The following L3MBTL4 variants were observed in gnomAD, a reference collection of about 807,000 sequenced individuals.
L3MBTL4 encodes the protein lethal(3)malignant brain tumor-like protein 4.
L3MBTL4 carries 70 observed loss-of-function variants against 84.5 expected under a neutral mutation model. The ratio of observed to expected loss-of-function variants is 0.83; its 90% confidence interval spans 0.68 to 1.01. L3MBTL4 has a LOEUF of 1.01. Among genes scored for constraint, L3MBTL4 ranks in the 50% least tolerant of loss-of-function variants. The pLI, the probability that L3MBTL4 is intolerant of heterozygous loss-of-function variation, is 0.00. For synonymous variants in L3MBTL4, 274 were observed against 259.8 expected (o/e 1.05, Z -0.52); for missense variants, 715 against 754.8 (o/e 0.95, Z 0.62).
Position 6,319,680 on chromosome 18 carries a change from C to A in L3MBTL4, c.-90-7624G>T, listed in dbSNP as rs148451560. Reference sequence around the variant, plus strand: ...AAAAGCACAGAGCAAGATGAATTCACAGCTTGAATTTTACCAGACATTCAA... The same window carrying A: ...AAAAGCACAGAGCAAGATGAATTCAAAGCTTGAATTTTACCAGACATTCAA... On this transcript the variant is annotated intron_variant, in intron 1 of 18. Transcript: ENST00000317931. Among the ~76,000 whole-genome samples, 98 of 152,116 alleles carry A rather than the reference C, an allele frequency of 6.4e-4. 1 individual carries two copies. Among genetic ancestry groups the A allele is most frequent in the Non-Finnish European group, 5.3e-4 (36 of 67,896 alleles).
intron 1 of L3MBTL4, among the ~76,000 whole-genome samples, chr18:6,391,865 A>G (rs907091321): frequency 6.6e-6 from 1 of 152,122 alleles, no homozygotes; most frequent in Non-Finnish European, 1.5e-5. Flanking sequence ...TGACACAACA[A>G]ATGGAAACAC....
intron 14 of L3MBTL4, among the ~76,000 whole-genome samples, chr18:6,096,612 A>ATG (rs1268960808): frequency 3.9e-5 from 6 of 152,180 alleles, no homozygotes; most frequent in East Asian, 1.9e-4. Context: ...GTACGCATGC[A>ATG]TGTGTGTGTG....
At chr18:6,236,361 G>C (rs1473535486) in intron 10 of L3MBTL4, among the ~76,000 whole-genome samples, 1 of 152,188 alleles carries the variant, frequency 6.6e-6, no homozygotes, top group African/African-American at 2.4e-5. Flanking sequence ...TATGACCTTA[G>C]ATTAGGCAAT....
chr18:6,285,090 C>T (rs1203283371), intron 4 of L3MBTL4, among the ~76,000 whole-genome samples: 2 of 152,220 alleles, frequency 1.3e-5, no homozygotes, highest in Non-Finnish European at 1.5e-5. Context: ...CAGCCTGGTG[C>T]GGTATTAACG....
intron 10 of L3MBTL4, among the ~76,000 whole-genome samples, chr18:6,224,462 G>A (rs529045611): frequency 2.0e-5 from 3 of 152,284 alleles, no homozygotes; most frequent in Admixed American, 1.3e-4. Flanking sequence ...CAACACAACG[G>A]GGGAACCATC....
chr18:6,031,215 GT>G, intron 16 of L3MBTL4: 1 of 985,390 alleles, frequency 1.0e-6, no homozygotes, highest in Non-Finnish European at 1.2e-6. Context: ...CATTATTTTA[GT>G]TTCTGTTTCA....
intron 16 of L3MBTL4, among the ~76,000 whole-genome samples, chr18:6,062,705 G>A (rs1255455157): frequency 1.5e-4 from 23 of 151,672 alleles, no homozygotes; most frequent in Admixed American, 1.5e-3. Context: ...TTTTAGATTG[G>A]GAAGTTCTAC....
chr18:5,975,328 T>C (rs1033066901), intron 16 of L3MBTL4, among the ~76,000 whole-genome samples: 2 of 152,168 alleles, frequency 1.3e-5, no homozygotes, highest in African/African-American at 4.8e-5. Context: ...CTGTGTTCTC[T>C]GCTGCAAAAA....
At chr18:6,341,883 G>C (rs1026980742) in intron 1 of L3MBTL4, among the ~76,000 whole-genome samples, 1 of 151,500 alleles carries the variant, frequency 6.6e-6, no homozygotes, top group Non-Finnish European at 1.5e-5. Flanking sequence ...AAGTTTGAAA[G>C]TAGTAAGAGA....
At chr18:6,169,688 G>A (rs947542347) in intron 13 of L3MBTL4, among the ~76,000 whole-genome samples, 1 of 125,820 alleles carries the variant, frequency 7.9e-6, no homozygotes, top group Non-Finnish European at 1.6e-5. Flanking sequence ...GTGGGGTGGG[G>A]GGAGGGGGAG....
At chr18:6,293,481 A>C (rs1047484119) in intron 4 of L3MBTL4, among the ~76,000 whole-genome samples, 5 of 152,236 alleles carry the variant, frequency 3.3e-5, no homozygotes, top group Non-Finnish European at 5.9e-5. Context: ...AAAAAGGATT[A>C]AAATCCACTG....
chr18:6,324,230 G>A (rs1283241510), intron 1 of L3MBTL4, among the ~76,000 whole-genome samples: 1 of 152,240 alleles, frequency 6.6e-6, no homozygotes, highest in Non-Finnish European at 1.5e-5. Context: ...TGCTGCAGTG[G>A]TGGAGTCCTC....
intron 15 of L3MBTL4, among the ~76,000 whole-genome samples, chr18:6,088,667 G>T (rs1284257098): frequency 6.6e-6 from 1 of 152,138 alleles, no homozygotes; most frequent in Non-Finnish European, 1.5e-5. Context: ...AAGGCTGGTG[G>T]ATTAAAGAAC....
intron 14 of L3MBTL4, among the ~76,000 whole-genome samples, chr18:6,116,740 T>C (rs902121694): frequency 2.0e-5 from 3 of 152,194 alleles, no homozygotes; most frequent in Non-Finnish European, 4.4e-5. Context: ...TTTTGTTGAA[T>C]ATATCCCAAA....
intron 14 of L3MBTL4, among the ~76,000 whole-genome samples, chr18:6,127,589 C>T (rs959169554): frequency 6.6e-6 from 1 of 152,200 alleles, no homozygotes; most frequent in African/African-American, 2.4e-5. Flanking sequence ...AATCCTTTCT[C>T]TCTCTACTAA....
rs79367243 is a variant in L3MBTL4, at chr18:6,192,576, C to T, written c.981+20573G>A. On this transcript the variant is annotated intron_variant, in intron 12 of 18. Coordinates refer to ENST00000317931, the MANE Select transcript of L3MBTL4 (RefSeq NM_001330559.2). ...GGTAATAGGCATCATCGGCTGAGAA[C>T]GAGAGTGAGGCAAGAGGAATGGGAA... is the stretch of plus-strand genomic sequence containing the variant. Among the ~76,000 whole-genome samples the T allele has an allele frequency of 4.4e-3, 673 of 151,408 alleles. 5 individuals are homozygous for T. Among genetic ancestry groups the T allele is most frequent in the African/African-American group, 0.015 (637 of 41,174 alleles).
chr18:6,358,649 C>T (rs2053548810), intron 1 of L3MBTL4, among the ~76,000 whole-genome samples: 1 of 152,158 alleles, frequency 6.6e-6, no homozygotes, highest in Admixed American at 6.5e-5. Flanking sequence ...AAACCAAATC[C>T]AAGACCTCCT....
intron 1 of L3MBTL4, among the ~76,000 whole-genome samples, chr18:6,385,173 G>A (rs1190638137): frequency 6.6e-6 from 1 of 152,128 alleles, no homozygotes; most frequent in Non-Finnish European, 1.5e-5. Flanking sequence ...AGGCCAGGGT[G>A]GGAGAATTGC....
chr18:6,073,652 G>A (rs534836986), intron 16 of L3MBTL4, among the ~76,000 whole-genome samples: 21 of 152,252 alleles, frequency 1.4e-4, no homozygotes, highest in African/African-American at 4.8e-4. Flanking sequence ...ACTTAGCATG[G>A]TAGTCAGGGG....
Sources: allele counts gnomAD v4.1 joint callset (sites outside exome capture counted in the v4.1 genomes callset), GRCh38; gene constraint gnomAD v4.1.1; transcripts MANE v1.5; gene names NCBI Gene and HGNC (gene_info 2026-07-23, HGNC 2026-07-21).